Variants in NDUFV3 observed in about 807,000 individuals in gnomAD.
NDUFV3 encodes the protein NADH:ubiquinone oxidoreductase subunit V3.
A neutral mutation model predicts 37.5 loss-of-function variants in NDUFV3; 44 were observed. The observed-to-expected ratio is 1.17, with a 90% CI of 0.92 to 1.51. The LOEUF (loss-of-function observed/expected upper bound fraction) is 1.51. NDUFV3 is among the 40% of genes most tolerant of loss of function. The pLI is 0.00. For missense variants in NDUFV3, 580 were observed against 580.4 expected, an observed-to-expected ratio of 1.00 and a Z score of 0.01; for synonymous variants, 235 against 239.3, an observed-to-expected ratio of 0.98 and a Z score of 0.17.
At chr21:42,907,873 A>G (rs4920008) in intron 3 of NDUFV3, among the ~76,000 whole-genome samples, 97,223 of 151,386 alleles carry the variant, frequency 0.64, 32,753 homozygotes, top group African/African-American at 0.84. Flanking sequence ...TTATGGGCGT[A>G]AGCCACCATG....
intron 1 of NDUFV3, among the ~76,000 whole-genome samples, chr21:42,894,464 A>AATATAT (rs538687479): frequency 1.2e-3 from 61 of 50,218 alleles, no homozygotes; most frequent in Non-Finnish European, 1.8e-3. Flanking sequence ...ATGTTTATAT[A>AATATAT]AATATATATT....
chr21:42,900,417 C>T (rs916287048), intron 2 of NDUFV3, among the ~76,000 whole-genome samples: 1 of 152,214 alleles, frequency 6.6e-6, no homozygotes, highest in African/African-American at 2.4e-5. Flanking sequence ...GCAGGAGAAT[C>T]GCTTGGACCC....
At chr21:42,904,716 C>T (rs1402986370) in intron 3 of NDUFV3, among the ~76,000 whole-genome samples, 1 of 151,802 alleles carries the variant, frequency 6.6e-6, no homozygotes, top group African/African-American at 2.4e-5. Context: ...GAACTCCTGA[C>T]CTCAGGCAAT....
rs563596765 is a variant in NDUFV3, at chr21:42,901,235, C to T, written c.170-1947C>T. 1.9e-4 allele frequency among the ~76,000 whole-genome samples: 29 copies of T among 151,848 alleles called. No individual in the cohort carries two copies. The South Asian group carries it at 4.0e-3, about 21-fold the overall frequency. ...GGTGGATCACCTGAGGTCAGGAGTT[C>T]GAGACCAGCCTGACCAACATTGTGA... is the stretch of plus-strand genomic sequence containing the variant. On this transcript the variant is annotated intron_variant, in intron 2 of 3. Transcript: ENST00000354250.
At chr21:42,901,172 T>C (rs1056962803) in intron 2 of NDUFV3, among the ~76,000 whole-genome samples, 1 of 152,010 alleles carries the variant, frequency 6.6e-6, no homozygotes, top group Non-Finnish European at 1.5e-5. Context: ...GCACAGTGGC[T>C]CACTTCTGTA....
intron 3 of NDUFV3, chr21:42,906,939 G>T: frequency 2.0e-6 from 1 of 502,182 alleles, no homozygotes; most frequent in Middle Eastern, 3.3e-4. Context: ...ACTTAAAAAT[G>T]AAAAACAGAG....
At chr21:42,899,277 G>GTATTTTTTTTT (rs367688123) in intron 2 of NDUFV3, among the ~76,000 whole-genome samples, 1,865 of 141,122 alleles carry the variant, frequency 0.013, 79 homozygotes, top group African/African-American at 0.038. Flanking sequence ...GTTGTATCTT[G>GTATTTTTTTTT]TTTTTTTTTG....
chr21:42,899,360 C>G (rs2058708995), intron 2 of NDUFV3, among the ~76,000 whole-genome samples: 1 of 151,594 alleles, frequency 6.6e-6, no homozygotes, highest in South Asian at 2.1e-4. Flanking sequence ...ACCTCTCCGC[C>G]TCCCTGATTC....
At chr21:42,906,688 G>T (rs967825380) in intron 3 of NDUFV3, among the ~76,000 whole-genome samples, 3 of 152,214 alleles carry the variant, frequency 2.0e-5, no homozygotes, top group Non-Finnish European at 4.4e-5. Flanking sequence ...TTGCAGAGCC[G>T]TGTCTGTATG....
chr21:42,896,151 A>ATTTTTT (rs143845594), intron 1 of NDUFV3, among the ~76,000 whole-genome samples: 3 of 90,940 alleles, frequency 3.3e-5, no homozygotes, highest in Non-Finnish European at 6.1e-5. Context: ...GCCTGGCTAA[A>ATTTTTT]TTTTTTTTTT....
intron 2 of NDUFV3, among the ~76,000 whole-genome samples, chr21:42,898,000 G>T (rs1166075604): frequency 6.6e-6 from 1 of 152,188 alleles, no homozygotes; most frequent in Non-Finnish European, 1.5e-5. Context: ...ATTATATGGG[G>T]TTGTAGAATA....
At chr21:42,906,334 A>G (rs2058741700) in intron 3 of NDUFV3, among the ~76,000 whole-genome samples, 1 of 151,956 alleles carries the variant, frequency 6.6e-6, no homozygotes, top group Admixed American at 6.6e-5. Context: ...TCTGCTCTCC[A>G]TCCTCTGTAC....
At chr21:42,898,300 A>G (rs937460094) in intron 2 of NDUFV3, among the ~76,000 whole-genome samples, 9 of 151,788 alleles carry the variant, frequency 5.9e-5, no homozygotes, top group Admixed American at 3.3e-4. Flanking sequence ...ATTTGTTTTA[A>G]GAGAGGGGCT....
chr21:42,894,446 TATATA>T (rs1195219226), intron 1 of NDUFV3, among the ~76,000 whole-genome samples: 1 of 55,074 alleles, frequency 1.8e-5, no homozygotes, highest in Admixed American at 2.2e-4. Context: ...TTATATAATA[TATATA>T]ATATGTTTAT....
rs2058774744 is a variant in NDUFV3, at chr21:42,912,544, G to A, written c.*3523G>A. The stretch of plus-strand genomic sequence containing the variant: ...GAGGCTGAGGTGGGCAGATCACGAG[G>A]TCAGGAGATCGAGACCGTCCTGGCT... On this transcript the variant is annotated 3_prime_UTR_variant, in exon 4 of 4. Transcript: ENST00000354250. The A allele has an allele frequency of 6.6e-6, 1 of 152,320 alleles. No individual in the cohort carries two copies. Among genetic ancestry groups the A allele is most frequent in the South Asian group, 2.1e-4 (1 of 4,824 alleles). 9.4% of individuals were successfully genotyped at this position (152,320 alleles called of 1,614,324 possible).
intron 2 of NDUFV3, among the ~76,000 whole-genome samples, chr21:42,898,055 G>A (rs2058701906): frequency 6.6e-6 from 1 of 152,168 alleles, no homozygotes; most frequent in African/African-American, 2.4e-5. Flanking sequence ...TATTTCCTCA[G>A]TTTGAATGTT....
chr21:42,900,375 C>T (rs140606156), intron 2 of NDUFV3, among the ~76,000 whole-genome samples: 14 of 152,188 alleles, frequency 9.2e-5, no homozygotes, highest in African/African-American at 3.4e-4. Flanking sequence ...TGGTGGCGGA[C>T]GCCTGTAATC....
At chr21:42,904,802 T>G (rs943973929) in intron 3 of NDUFV3, among the ~76,000 whole-genome samples, 1 of 150,000 alleles carries the variant, frequency 6.7e-6, no homozygotes, top group Admixed American at 6.7e-5. Context: ...TCATCTTTTT[T>G]TTTTTTTGAG....
rs1468942478 is a variant in NDUFV3, at chr21:42,909,582, A to G, written c.*561A>G. The G allele has an allele frequency of 5.8e-6, 1 of 172,182 alleles. No homozygotes were observed. Among genetic ancestry groups the G allele is most frequent in the Non-Finnish European group, 1.3e-5 (1 of 78,698 alleles). The allele number at this position is 172,182 out of a possible 1,614,324, so 10.7% of individuals were successfully genotyped here. On this transcript the variant is annotated 3_prime_UTR_variant, in exon 4 of 4. Transcript: ENST00000354250. Reference sequence around the variant, plus strand: ...AATCACTGGGCAAATCCATATAATTAGAGAATTTTAAGTGCTTTAGAGCGG... The same window carrying G: ...AATCACTGGGCAAATCCATATAATTGGAGAATTTTAAGTGCTTTAGAGCGG...
Sources: allele counts gnomAD v4.1 joint callset (sites outside exome capture counted in the v4.1 genomes callset), GRCh38; gene constraint gnomAD v4.1.1; transcripts MANE v1.5; gene names NCBI Gene and HGNC (gene_info 2026-07-23, HGNC 2026-07-21).